The following DOP1B variants were observed in gnomAD, a reference collection of about 807,000 sequenced individuals.
The protein encoded by DOP1B is DOP1 leucine zipper like protein B.
Under a neutral mutation model 233.5 loss-of-function variants are expected in DOP1B, and 174 were observed. The ratio of observed to expected loss-of-function variants is 0.75; its 90% CI spans 0.66 to 0.85. The LOEUF (loss-of-function observed/expected upper bound fraction) is 0.85. DOP1B is among the 40% of genes least tolerant of loss of function. The probability of loss-of-function intolerance (pLI) is 0.00; values close to 1 mark genes in which losing one functional copy is unlikely to be tolerated. For synonymous variants in DOP1B, 1,190 were observed against 1,185.6 expected, an observed-to-expected ratio of 1.00 and a Z score of -0.08; for missense variants, 2,652 against 2,846.6, an observed-to-expected ratio of 0.93 and a Z score of 1.56.
intron 33 of DOP1B, 45 bp from the exon 34 acceptor site, chr21:36,288,710 GA>G: frequency 7.1e-7 from 1 of 1,400,336 alleles, no homozygotes; most frequent in Non-Finnish European, 9.9e-7. Flanking sequence ...TATTTGGGTA[GA>G]TTTAATCTGT....
rs779979065 is a variant in DOP1B at position 36,233,031 on chromosome 21, C to T, written c.2578C>T (p.Pro860Ser). The change falls in exon 15 of 37, where the codon CCA becomes TCA. Residue 860 changes from proline (P) to serine (S), a missense_variant. Around this residue, in one of 3 missense-constraint regions of DOP1B, gnomAD observed 2,617 missense variants for 2,794.3 expected, o/e 0.94. Coordinates refer to ENST00000691173, the MANE Select transcript of DOP1B (RefSeq NM_001320714.2). ...GATGGTGACGGTTCCTCCCATTGCTCCAGGGATATTGAAAGTCATTGCAGA... is the reference window on the plus strand; with the variant it reads ...GATGGTGACGGTTCCTCCCATTGCTTCAGGGATATTGAAAGTCATTGCAGA... ...LQMVTVPPIAPGILKVIAEKT... is the reference protein window; with the variant it reads ...LQMVTVPPIASGILKVIAEKT... 2 of 1,614,018 alleles carry T rather than the reference C, an allele frequency of 1.2e-6. No homozygotes were observed. The highest frequency in any genetic ancestry group is 1.7e-6 in the Non-Finnish European group (2 of 1,179,966).
chr21:36,176,271 C>T (rs1368507094), intron 2 of DOP1B, among the ~76,000 whole-genome samples: 1 of 152,078 alleles, frequency 6.6e-6, no homozygotes, highest in Non-Finnish European at 1.5e-5. Flanking sequence ...GGGGGTGGCC[C>T]TTTCAGCCTT....
chr21:36,226,837 C>G (rs2066689230), intron 12 of DOP1B, among the ~76,000 whole-genome samples: 1 of 152,074 alleles, frequency 6.6e-6, no homozygotes, highest in Non-Finnish European at 1.5e-5. Flanking sequence ...CAAGCAATCT[C>G]CCTGCATCAG....
At chr21:36,227,146 T>C (rs2066696244) in intron 12 of DOP1B, among the ~76,000 whole-genome samples, 1 of 147,514 alleles carries the variant, frequency 6.8e-6, no homozygotes, top group Admixed American at 6.8e-5. Context: ...AGGCAGAGCT[T>C]GCAGTGAGCC....
intron 2 of DOP1B, among the ~76,000 whole-genome samples, chr21:36,187,204 C>T (rs1465848457): frequency 1.4e-5 from 2 of 146,088 alleles, no homozygotes; most frequent in Non-Finnish European, 3.0e-5. Context: ...CCCCTCCCCT[C>T]CCTTCCCCTC....
chr21:36,201,028 A>G (rs145511314), intron 4 of DOP1B, among the ~76,000 whole-genome samples: 40 of 152,254 alleles, frequency 2.6e-4, no homozygotes, highest in African/African-American at 9.4e-4. Context: ...AGGCGGAGAG[A>G]AATGTAGCTC....
At position 36,246,725 on chromosome 21, in the gene DOP1B, T is replaced by G; in HGVS notation, c.4697+48T>G. Reference sequence around the variant, plus strand: ...TCTTTATTGCTTTAGTGATGGTTTTTATAACGAATGACTGTTTTGCCACGG... The same window carrying G: ...TCTTTATTGCTTTAGTGATGGTTTTGATAACGAATGACTGTTTTGCCACGG... On this transcript the variant is annotated intron_variant, in intron 19 of 36. Transcript: ENST00000691173. The surrounding 1 kb of genome is among the most constrained non-coding windows in gnomAD (Gnocchi z 5.1). 1.3e-6 allele frequency: 2 copies of G among 1,558,202 alleles called. No homozygotes were observed. Among genetic ancestry groups the G allele is most frequent in the East Asian group, 2.3e-5 (1 of 44,098 alleles).
In DOP1B at chr21:36,246,838, G is replaced by C. The variant is rs896768823; in HGVS notation, c.4697+161G>C. Among the ~76,000 whole-genome samples, 2 of 147,900 alleles carry C rather than the reference G, an allele frequency of 1.4e-5. No individual in the cohort carries two copies. The highest frequency in any genetic ancestry group is 3.0e-5 in the Non-Finnish European group (2 of 66,876). The stretch of plus-strand genomic sequence containing the variant: ...GGGGTAACAAGCAACTAAATGTTCT[G>C]ATCCATTATGTTATGTTATGTTATG... On this transcript the variant is annotated intron_variant, in intron 19 of 36. Transcript: ENST00000691173. The surrounding 1 kb of genome is among the most constrained non-coding windows in gnomAD (Gnocchi z 5.1).
intron 2 of DOP1B, among the ~76,000 whole-genome samples, chr21:36,167,896 A>G (rs374139607): frequency 1.7e-5 from 2 of 119,392 alleles, no homozygotes; most frequent in African/African-American, 6.6e-5. Context: ...ATAATACTCT[A>G]TTGTATGGGT....
At position 36,281,491 on chromosome 21, in the gene DOP1B, A is replaced by T. The variant is rs761404250; in HGVS notation, c.6040A>T (p.Ser2014Cys). 6 of 1,602,304 alleles carry T rather than the reference A, an allele frequency of 3.7e-6. No homozygotes were observed. In the Admixed American group the frequency reaches 1.0e-4, roughly 27 times the overall value. The change falls in exon 32 of 37, where the codon AGC (serine) becomes TGC (cysteine). Residue 2014 changes from serine to cysteine, a missense_variant. This residue lies in a region of DOP1B where 2,617 missense variants were observed against 2,794.3 expected (regional missense o/e 0.94). Coordinates refer to ENST00000691173, the MANE Select transcript of DOP1B (RefSeq NM_001320714.2). Reference sequence around the variant, plus strand: ...TGCTGTATTTATTCTAGACATGCAGAGCAGTTCTTTGAAACTATTCTCAAG... The same window carrying T: ...TGCTGTATTTATTCTAGACATGCAGTGCAGTTCTTTGAAACTATTCTCAAG... Reference protein sequence around the residue: ...TMFKDLMNMQSSSLKLFSSFE... With the variant: ...TMFKDLMNMQCSSLKLFSSFE...
At chr21:36,210,399 C>G (rs1019825792) in intron 5 of DOP1B, among the ~76,000 whole-genome samples, 1 of 152,100 alleles carries the variant, frequency 6.6e-6, no homozygotes, top group Non-Finnish European at 1.5e-5. Context: ...AATCTCAGCA[C>G]TTTGGGAGGC....
chr21:36,251,468 G>A (rs1311540769), intron 22 of DOP1B, among the ~76,000 whole-genome samples, 184 bp downstream of exon 22: 3 of 152,252 alleles, frequency 2.0e-5, no homozygotes, highest in Admixed American at 2.0e-4. Flanking sequence ...CACCCAGGCT[G>A]GAGTGCAGTG....
At chr21:36,157,603 G>C (rs1370374344) in intron 1 of DOP1B, among the ~76,000 whole-genome samples, 1 of 152,154 alleles carries the variant, frequency 6.6e-6, no homozygotes, top group Non-Finnish European at 1.5e-5. Context: ...TTGGTAAGGC[G>C]AGGGAAGACC....
At position 36,208,575 on chromosome 21, in the gene DOP1B, G is replaced by T; in HGVS notation, c.492-140G>T. On this transcript the variant is annotated intron_variant, in intron 4 of 36. Transcript: ENST00000691173. ...CACAGCAGGGTGAGAGATGGCAGCG[G>T]CTCCCGGCGATGAGGAAGGTGGGGC... 5 of 837,910 alleles carry T rather than the reference G, an allele frequency of 6.0e-6. No individual in the cohort carries two copies. In the South Asian group the frequency reaches 9.1e-5, roughly 15 times the overall value. The allele number at this position is 837,910 out of a possible 1,614,324, so 51.9% of individuals were successfully genotyped here.
At chr21:36,253,719 T>C in intron 22 of DOP1B, 53 bp from the exon 23 acceptor site, 1 of 1,583,964 alleles carries the variant, frequency 6.3e-7, no homozygotes, top group Non-Finnish European at 8.6e-7. Context: ...GTGTCATCCT[T>C]ATTTTTACTT....
rs1440622122 is a variant in DOP1B, at chr21:36,245,577, C to T, written c.3597C>T (p.Asp1199=). The change falls in exon 19 of 37, where the codon GAC becomes GAT. Residue 1199 remains aspartate (D), a synonymous_variant. Coordinates refer to ENST00000691173, the MANE Select transcript of DOP1B (RefSeq NM_001320714.2). The surrounding 1 kb of genome is among the most constrained non-coding windows in gnomAD (Gnocchi z 5.5). ...CGTTCTCCAGCGACGAGGAGGCGGA[C>T]TTGGAGCTCCAGGCCCTCACCACAT... ...SESFSSDEEA[D]LELQALTTSR... The T allele has an allele frequency of 1.2e-6, 2 of 1,613,372 alleles. No homozygotes were observed. The highest frequency in any genetic ancestry group is 4.5e-5 in the East Asian group (2 of 44,894).
At position 36,162,633 on chromosome 21, in the gene DOP1B, C is replaced by T. The variant is rs1174753598; in HGVS notation, c.-26-2075C>T. On this transcript the variant is annotated intron_variant, in intron 1 of 36. Transcript: ENST00000691173. The stretch of plus-strand genomic sequence containing the variant: ...TCACCTCACTGCAACCTCCATGGCT[C>T]CTGGGTTCAAGCAATGCTCATGCCT... Among the ~76,000 whole-genome samples the T allele has an allele frequency of 4.6e-5, 7 of 152,098 alleles. No individual in the cohort carries two copies. The South Asian group carries it at 1.2e-3, about 27-fold the overall frequency.
intron 2 of DOP1B, among the ~76,000 whole-genome samples, chr21:36,198,474 C>T (rs1171604337): frequency 2.6e-5 from 4 of 152,040 alleles, no homozygotes; most frequent in Admixed American, 2.6e-4. Flanking sequence ...GAGGGGCCTC[C>T]CACGCACAAA....
rs893851218 is a variant in DOP1B at position 36,232,905 on chromosome 21, C to T, written c.2452C>T (p.Leu818=). ...YLQNVAISTL[L]EVINHSQSLA... ...CCAGAACGTGGCCATTTCCACTCTG[C>T]TGGAAGTGATAAACCATTCCCAGTC... The change falls in exon 15 of 37, where the codon CTG becomes TTG. Residue 818 remains leucine, a synonymous_variant. Transcript: ENST00000691173. The T allele has an allele frequency of 2.5e-6, 4 of 1,613,964 alleles. No homozygotes were observed. The highest frequency in any genetic ancestry group is 3.3e-5 in the Admixed American group (2 of 59,980).
Sources: allele counts gnomAD v4.1 joint callset (sites outside exome capture counted in the v4.1 genomes callset), GRCh38; gene constraint gnomAD v4.1.1; regional missense constraint gnomAD v4.1.1; non-coding constraint Gnocchi (gnomAD v3.1); transcripts MANE v1.5; gene names NCBI Gene and HGNC (gene_info 2026-07-23, HGNC 2026-07-21).